The following FBXL2 variants were observed in gnomAD, a reference collection of about 807,000 sequenced individuals.
FBXL2 encodes the protein F-box/LRR-repeat protein 2.
Under a neutral mutation model 69.2 loss-of-function variants are expected in FBXL2, and 38 were observed. The ratio of observed to expected loss-of-function variants is 0.55; its 90% CI spans 0.42 to 0.72. The LOEUF is 0.72. Ranked by LOEUF, FBXL2 falls within the 30% of genes least tolerant of loss-of-function variation. The pLI is 0.00. For synonymous variants in FBXL2, 192 were observed against 201.3 expected, an observed-to-expected ratio of 0.95 and a Z score of 0.39; for missense variants, 354 against 520.3, an observed-to-expected ratio of 0.68 and a Z score of 3.11.
At chr3:33,277,648 T>TGCTGGGCAGGGCAGG (rs1458333150) in intron 1 of FBXL2, 133 bp downstream of exon 1, 1 of 967,624 alleles carries the variant, frequency 1.0e-6, no homozygotes, top group Non-Finnish European at 1.3e-6. Flanking sequence ...CCTGCGAGGC[T>TGCTGGGCAGGGCAGG]GCTGGGCAGG....
chr3:33,358,936 T>C, intron 2 of FBXL2, 31 bp from the exon 3 acceptor site: 1 of 1,400,524 alleles, frequency 7.1e-7, no homozygotes, highest in Non-Finnish European at 9.8e-7. Context: ...TAACACCATC[T>C]CGTTTTTGTG....
At chr3:33,316,559 G>T (rs1010161756) in intron 2 of FBXL2, among the ~76,000 whole-genome samples, 1 of 152,100 alleles carries the variant, frequency 6.6e-6, no homozygotes, top group African/African-American at 2.4e-5. Flanking sequence ...AGTATCATCA[G>T]CTGCTGTTCT....
chr3:33,300,925 G>A (rs563720006), intron 2 of FBXL2, among the ~76,000 whole-genome samples: 8 of 151,182 alleles, frequency 5.3e-5, no homozygotes, highest in Admixed American at 1.3e-4. Context: ...CCGTGGTCTC[G>A]ATCTCCTGAC....
chr3:33,389,680 T>C (rs1488895365), downstream of FBXL2: 1 of 152,536 alleles, frequency 6.6e-6, no homozygotes, highest in African/African-American at 2.4e-5. Flanking sequence ...GGATTTACAC[T>C]GATCCTCTCA....
chr3:33,401,701 G>T (rs2044234709), intron 12 of FBXL2, among the ~76,000 whole-genome samples: 1 of 152,188 alleles, frequency 6.6e-6, no homozygotes, highest in Non-Finnish European at 1.5e-5. Context: ...AGCTCCTTCA[G>T]ACGGGGGTCT....
intron 10 of FBXL2, among the ~76,000 whole-genome samples, chr3:33,376,254 C>T (rs903934304): frequency 6.6e-6 from 1 of 151,948 alleles, no homozygotes; most frequent in African/African-American, 2.4e-5. Context: ...ACAATGGTAA[C>T]AATAGTTGAC....
At chr3:33,279,622 A>T (rs888359013) in intron 1 of FBXL2, among the ~76,000 whole-genome samples, 1 of 152,126 alleles carries the variant, frequency 6.6e-6, no homozygotes, top group Non-Finnish European at 1.5e-5. Flanking sequence ...ATCTAAACAA[A>T]ACTTTAGCCG....
At chr3:33,362,086 CTG>C (rs2041664122) in intron 4 of FBXL2, among the ~76,000 whole-genome samples, 1 of 152,140 alleles carries the variant, frequency 6.6e-6, no homozygotes, top group Admixed American at 6.5e-5. Flanking sequence ...TAAGAGGAGA[CTG>C]TAGGTATCTT....
chr3:33,358,948 T>G lies in FBXL2; in HGVS notation c.66-19T>G. ...TGTTAACACCATCTCGTTTTTGTGT[T>G]TTTTTCCTCTCTCTGTAGAATATTT... On this transcript the variant is annotated intron_variant, in intron 2 of 14. Transcript: ENST00000484457. 3.3e-6 allele frequency: 5 copies of G among 1,499,690 alleles called. No individual in the cohort carries two copies. The highest frequency in any genetic ancestry group is 3.6e-6 in the Non-Finnish European group (4 of 1,112,624). The allele number at this position is 1,499,690 out of a possible 1,614,324, so 92.9% of individuals were successfully genotyped here. A position where few individuals can be genotyped will look rare whatever the true frequency, so the allele number is the denominator to read the frequency against.
At chr3:33,287,853 C>G (rs2034808474) in intron 1 of FBXL2, among the ~76,000 whole-genome samples, 1 of 152,156 alleles carries the variant, frequency 6.6e-6, no homozygotes, top group Non-Finnish European at 1.5e-5. Flanking sequence ...GATTAAGAGT[C>G]TTAATGTCTT....
At chr3:33,384,665 A>AGAC (rs2043294593) in intron 14 of FBXL2, among the ~76,000 whole-genome samples, 1 of 152,226 alleles carries the variant, frequency 6.6e-6, no homozygotes, top group Non-Finnish European at 1.5e-5. Context: ...GTTCTTGCTT[A>AGAC]GACTCCACCC....
At chr3:33,376,159 A>AAC (rs1323320661) in intron 10 of FBXL2, among the ~76,000 whole-genome samples, 1 of 151,878 alleles carries the variant, frequency 6.6e-6, no homozygotes, top group South Asian at 2.1e-4. Flanking sequence ...CCCATCTCAA[A>AAC]AAAAAAAACA....
intron 10 of FBXL2, 108 bp downstream of exon 10, chr3:33,375,526 T>A: frequency 7.6e-7 from 1 of 1,317,542 alleles, no homozygotes; most frequent in Non-Finnish European, 1.1e-6. Context: ...GTGGAGGCAG[T>A]AGTTATGTTG....
At chr3:33,401,627 C>T (rs752269098) in intron 12 of FBXL2, among the ~76,000 whole-genome samples, 10 of 152,298 alleles carry the variant, frequency 6.6e-5, no homozygotes, top group Admixed American at 1.3e-4. Flanking sequence ...TCTTAGCCCC[C>T]GTGCCTCAAT....
Position 33,297,271 on chromosome 3 carries a change from C to G in FBXL2, c.4-393C>G, listed in dbSNP as rs371597824. Among the ~76,000 whole-genome samples, 9 of 152,218 alleles carry G rather than the reference C, an allele frequency of 5.9e-5. No individual in the cohort carries two copies. The East Asian group carries it at 7.7e-4, about 13-fold the overall frequency. On this transcript the variant is annotated intron_variant, in intron 1 of 14. Coordinates refer to ENST00000484457, the MANE Select transcript of FBXL2 (RefSeq NM_012157.5). Reference sequence around the variant, plus strand: ...TATATTTATGTGTTGTATCCTGCAGCCTTGCCGAACTCCTTGATTAGTTCT... The same window carrying G: ...TATATTTATGTGTTGTATCCTGCAGGCTTGCCGAACTCCTTGATTAGTTCT...
chr3:33,392,333 G>A (rs1382027366), downstream of FBXL2: 16 of 446,324 alleles, frequency 3.6e-5, no homozygotes, highest in Non-Finnish European at 5.5e-5. Flanking sequence ...TCAGTAAGAC[G>A]TTGGCTGAAT....
At chr3:33,381,382 C>T (rs531670690) in intron 13 of FBXL2, among the ~76,000 whole-genome samples, 35 of 152,274 alleles carry the variant, frequency 2.3e-4, no homozygotes, top group African/African-American at 7.9e-4. Context: ...CGGTGGCTCA[C>T]GCCTGTAATC....
At chr3:33,350,074 T>G (rs1327183328) in intron 2 of FBXL2, among the ~76,000 whole-genome samples, 2 of 152,036 alleles carry the variant, frequency 1.3e-5, no homozygotes, top group African/African-American at 4.8e-5. Context: ...ACCAAGACCA[T>G]ATAAAAATAT....
chr3:33,388,304 A>G (rs1441921002), downstream of FBXL2: 1 of 152,580 alleles, frequency 6.6e-6, no homozygotes, highest in Non-Finnish European at 1.5e-5. Context: ...AAGTGACAGT[A>G]GCAGGAACTG....
Sources: gnomAD v4.1 joint callset for allele counts (sites outside exome capture counted in the v4.1 genomes callset) on GRCh38, gnomAD v4.1.1 for gene constraint, MANE v1.5 for transcripts, NCBI Gene and HGNC (gene_info 2026-07-23, HGNC 2026-07-21) for gene names.